AP2M1: variants seen among roughly 807,000 people sequenced by gnomAD.
The protein encoded by AP2M1 is adaptor related protein complex 2 subunit mu 1.
Under a neutral mutation model 54.5 loss-of-function variants are expected in AP2M1, and 5 were observed. The ratio of observed to expected loss-of-function variants is 0.09; its 90% CI spans 0.05 to 0.19. AP2M1 has a LOEUF of 0.19. Ranked by LOEUF, AP2M1 falls within the 10% of genes least tolerant of loss-of-function variation. The pLI, the probability that AP2M1 is intolerant of heterozygous loss-of-function variation, is 1.00. For synonymous variants in AP2M1, 186 were observed against 208.2 expected, an observed-to-expected ratio of 0.89 and a Z score of 0.92; for missense variants, 178 against 580.2, an observed-to-expected ratio of 0.31 and a Z score of 7.12.
rs201806475 is a variant in AP2M1, at chr3:184,180,213, C to T, written c.385C>T (p.Leu129=). 3.3e-5 allele frequency: 53 copies of T among 1,614,088 alleles called. No individual in the cohort carries two copies. Among genetic ancestry groups the T allele is most frequent in the Non-Finnish European group, 4.4e-5 (52 of 1,180,046 alleles). ...GYPQNSETGA[L]KTFITQQGIK... is the part of the protein sequence containing the mutation. ...CCCACAGAATTCCGAGACAGGCGCG[C>T]TGAAAACCTTCATCACGCAGCAGGG... Residue 129 remains leucine, a synonymous_variant, in exon 4 of 12, where the codon CTG becomes TTG. Transcript: ENST00000292807. This position sits in a 1 kb window ranked among gnomAD's most constrained non-coding sequence, Gnocchi z 4.9.
At chr3:184,175,059 C>T in intron 1 of AP2M1, 100 bp downstream of exon 1, 1 of 397,488 alleles carries the variant, frequency 2.5e-6, no homozygotes, top group Non-Finnish European at 4.4e-6. Context: ...TGGCGGAAAG[C>T]TGCCCACACC....
Position 184,182,933 on chromosome 3 carries a change from C to T in AP2M1, c.1173+65C>T, listed in dbSNP as rs867598792. The T allele has an allele frequency of 1.3e-5, 18 of 1,376,320 alleles. No homozygotes were observed. Among genetic ancestry groups the T allele is most frequent in the South Asian group, 3.6e-5 (3 of 83,682 alleles). 85.3% of individuals were successfully genotyped at this position (1,376,320 alleles called of 1,614,324 possible). A position where few individuals can be genotyped will look rare whatever the true frequency, so the allele number is the denominator to read the frequency against. ...CTGGAAGACCTCTTAGAGATCATTCCGATAAACTGCTGCACCTTAGAGGTG... is the reference window on the plus strand; with the variant it reads ...CTGGAAGACCTCTTAGAGATCATTCTGATAAACTGCTGCACCTTAGAGGTG... On this transcript the variant is annotated intron_variant, in intron 11 of 11. Coordinates refer to ENST00000292807, the MANE Select transcript of AP2M1 (RefSeq NM_004068.4). This position sits in a 1 kb window ranked among gnomAD's most constrained non-coding sequence, Gnocchi z 5.5.
In AP2M1 at chr3:184,181,692, G is replaced by T. The variant is rs1300738434; in HGVS notation, c.708-4G>T. The T allele has an allele frequency of 5.0e-6, 8 of 1,613,634 alleles. No individual in the cohort carries two copies. The highest frequency in any genetic ancestry group is 1.3e-5 in the African/African-American group (1 of 74,930). On this transcript the variant is annotated splice_polypyrimidine_tract_variant and splice_region_variant and intron_variant, in intron 7 of 11. Transcript: ENST00000292807. This position sits in a 1 kb window ranked among gnomAD's most constrained non-coding sequence, Gnocchi z 5.7. Reference sequence around the variant, plus strand: ...AATGAGACCTCTTCTGCCCCTGCTTGCAGCGGGAAGCAATCAATTGCCATT... The same window carrying T: ...AATGAGACCTCTTCTGCCCCTGCTTTCAGCGGGAAGCAATCAATTGCCATT...
At chr3:184,177,480 C>T in intron 2 of AP2M1, 1 of 1,463,578 alleles carries the variant, frequency 6.8e-7, no homozygotes, top group Admixed American at 2.0e-5. Context: ...TATCAAACGC[C>T]TTCACTGGAT....
rs1715329372 is a variant in AP2M1, at chr3:184,183,131, C to A, written c.1173+263C>A. The A allele has an allele frequency of 1.8e-6, 1 of 564,388 alleles. No individual in the cohort carries two copies. The allele number at this position is 564,388 out of a possible 1,614,324, so 35.0% of individuals were successfully genotyped here. Reference sequence around the variant, plus strand: ...TAGATTGTTTAAATGCCAGGTAAGACACAAAGTTTACTTACAGACAGGATA... The same window carrying A: ...TAGATTGTTTAAATGCCAGGTAAGAAACAAAGTTTACTTACAGACAGGATA... On this transcript the variant is annotated intron_variant, in intron 11 of 11. Coordinates refer to ENST00000292807, the MANE Select transcript of AP2M1 (RefSeq NM_004068.4). The surrounding 1 kb of genome is among the most constrained non-coding windows in gnomAD (Gnocchi z 5.7).
In AP2M1 at chr3:184,180,059, G is replaced by A; in HGVS notation, c.341-110G>A. 3 of 928,090 alleles carry A rather than the reference G, an allele frequency of 3.2e-6. No homozygotes were observed. Among genetic ancestry groups the A allele is most frequent in the Non-Finnish European group, 5.1e-6 (3 of 591,400 alleles). 57.5% of individuals were successfully genotyped at this position (928,090 alleles called of 1,614,324 possible). A position where few individuals can be genotyped will look rare whatever the true frequency, so the allele number is the denominator to read the frequency against. ...TACAAAGCTAGAAGACTTTCTTGCG[G>A]ATGATCCCACATGGGCTTTGGGAGC... On this transcript the variant is annotated intron_variant, in intron 3 of 11. Coordinates refer to ENST00000292807, the MANE Select transcript of AP2M1 (RefSeq NM_004068.4). This position sits in a 1 kb window ranked among gnomAD's most constrained non-coding sequence, Gnocchi z 4.9.
chr3:184,178,142 C>A lies in AP2M1; in HGVS notation c.75-715C>A. 1 of 1,477,950 alleles carries A rather than the reference C, an allele frequency of 6.8e-7. No individual in the cohort carries two copies. Among genetic ancestry groups the A allele is most frequent in the Non-Finnish European group, 9.1e-7 (1 of 1,094,042 alleles). The allele number at this position is 1,477,950 out of a possible 1,614,324, so 91.6% of individuals were successfully genotyped here. Reference sequence around the variant, plus strand: ...CCCTCCCGGTGTGTTGTGTGTCTAACCCTCTCTCTCGTTGCTATCACTCTC... The same window carrying A: ...CCCTCCCGGTGTGTTGTGTGTCTAAACCTCTCTCTCGTTGCTATCACTCTC... On this transcript the variant is annotated intron_variant, in intron 2 of 11. Coordinates refer to ENST00000292807, the MANE Select transcript of AP2M1 (RefSeq NM_004068.4). This position sits in a 1 kb window ranked among gnomAD's most constrained non-coding sequence, Gnocchi z 4.9.
At chr3:184,177,804 C>G in intron 2 of AP2M1, 2 of 606,524 alleles carry the variant, frequency 3.3e-6, no homozygotes, top group Non-Finnish European at 5.8e-6. Context: ...AAAGAGTAGG[C>G]TCCTCTGGTT....
chr3:184,175,372 C>G (rs1715034153), intron 1 of AP2M1, among the ~76,000 whole-genome samples: 4 of 152,162 alleles, frequency 2.6e-5, no homozygotes, highest in African/African-American at 9.7e-5. Flanking sequence ...GGCACCCCCT[C>G]CTCTTAGTTC....
rs766742290 is a variant in AP2M1 at position 184,178,850 on chromosome 3, C to A, written c.75-7C>A. The A allele has an allele frequency of 1.2e-6, 2 of 1,613,252 alleles. No homozygotes were observed. Among genetic ancestry groups the A allele is most frequent in the Non-Finnish European group, 8.5e-7 (1 of 1,179,628 alleles). ...CTGAGCAGGCCCTATGCACTCTTTTCCCTCAGGAGGAACGCAGTGGATGCC... is the reference window on the plus strand; with the variant it reads ...CTGAGCAGGCCCTATGCACTCTTTTACCTCAGGAGGAACGCAGTGGATGCC... On this transcript the variant is annotated splice_polypyrimidine_tract_variant and splice_region_variant and intron_variant, in intron 2 of 11. Transcript: ENST00000292807. This position sits in a 1 kb window ranked among gnomAD's most constrained non-coding sequence, Gnocchi z 4.9.
Position 184,178,760 on chromosome 3 carries a change from C to A in AP2M1, c.75-97C>A. The A allele has an allele frequency of 2.1e-6, 3 of 1,458,316 alleles. No homozygotes were observed. Among genetic ancestry groups the A allele is most frequent in the Non-Finnish European group, 2.8e-6 (3 of 1,071,552 alleles). 90.3% of individuals were successfully genotyped at this position (1,458,316 alleles called of 1,614,324 possible). On this transcript the variant is annotated intron_variant, in intron 2 of 11. Coordinates refer to ENST00000292807, the MANE Select transcript of AP2M1 (RefSeq NM_004068.4). This position sits in a 1 kb window ranked among gnomAD's most constrained non-coding sequence, Gnocchi z 4.9. Reference sequence around the variant, plus strand: ...TTGGAGTGTGTGTGTCAGACTTCTGCAGAAAGGAGGGTGGGGCTGTTAGCA... The same window carrying A: ...TTGGAGTGTGTGTGTCAGACTTCTGAAGAAAGGAGGGTGGGGCTGTTAGCA...
At chr3:184,179,365 C>G in intron 3 of AP2M1, 2 of 531,970 alleles carry the variant, frequency 3.8e-6, no homozygotes, top group Non-Finnish European at 6.7e-6. Flanking sequence ...GGGCTAGGAA[C>G]CTGACTCAGG....
At position 184,181,907 on chromosome 3, in the gene AP2M1, T is replaced by C; in HGVS notation, c.828-5T>C. On this transcript the variant is annotated splice_polypyrimidine_tract_variant and splice_region_variant and intron_variant, in intron 8 of 11. Transcript: ENST00000292807. The surrounding 1 kb of genome is among the most constrained non-coding windows in gnomAD (Gnocchi z 5.7). ...CTTTGGTAACCTTGCTTCCCATCCCTTAAGGTATCGCACAACCAAGGACAT... is the reference window on the plus strand; with the variant it reads ...CTTTGGTAACCTTGCTTCCCATCCCCTAAGGTATCGCACAACCAAGGACAT... 6.2e-7 allele frequency: 1 copy of C among 1,614,020 alleles called. No individual in the cohort carries two copies. Among genetic ancestry groups the C allele is most frequent in the Non-Finnish European group, 8.5e-7 (1 of 1,179,930 alleles).
rs1715341771 is a variant in AP2M1, at chr3:184,183,469, T to C, written c.1174-13T>C. On this transcript the variant is annotated splice_polypyrimidine_tract_variant and intron_variant, in intron 11 of 11. Transcript: ENST00000292807. The surrounding 1 kb of genome is among the most constrained non-coding windows in gnomAD (Gnocchi z 5.7). ...GAGGAAGGCCACATTTCTAACTAGC[T>C]CTCCTTGCCCAGGTGCCATTCGCGC... The C allele has an allele frequency of 1.2e-6, 2 of 1,613,772 alleles. No homozygotes were observed. The highest frequency in any genetic ancestry group is 2.7e-5 in the African/African-American group (2 of 74,888).
Position 184,180,650 on chromosome 3 carries a change from G to C in AP2M1, c.429G>C (p.Gln143His). ...ITQQGIKSQHQTKEEQSQITS... is the reference protein window; with the variant it reads ...ITQQGIKSQHHTKEEQSQITS... ...GTTGGCCCTGCGGCCTCCAGCATCA[G>C]GTAAGCTCTTCCCTCAGCTTCCACC... The change falls in exon 5 of 12, where the codon CAG becomes CAC. Residue 143 changes from glutamine to histidine, a missense_variant and splice_region_variant. Gln to His is a conservative substitution (Grantham distance 24). This residue lies in a region of AP2M1 where 115 missense variants were observed against 331.2 expected (regional missense o/e 0.35). Coordinates refer to ENST00000292807, the MANE Select transcript of AP2M1 (RefSeq NM_004068.4). The surrounding 1 kb of genome is among the most constrained non-coding windows in gnomAD (Gnocchi z 4.9). 1 of 1,614,192 alleles carries C rather than the reference G, an allele frequency of 6.2e-7. No individual in the cohort carries two copies. The highest frequency in any genetic ancestry group is 8.5e-7 in the Non-Finnish European group (1 of 1,180,050).
rs767316644 is a variant in AP2M1 at position 184,180,758 on chromosome 3, A to G, written c.430-91A>G. ...GGATTACAGGTGGGGACTAGAAGGG[A>G]TGGGGAATGAGGGTGGAGTGGGGAT... On this transcript the variant is annotated intron_variant, in intron 5 of 11. Coordinates refer to ENST00000292807, the MANE Select transcript of AP2M1 (RefSeq NM_004068.4). This position sits in a 1 kb window ranked among gnomAD's most constrained non-coding sequence, Gnocchi z 4.9. 6.2e-7 allele frequency: 1 copy of G among 1,613,846 alleles called. No homozygotes were observed. Among genetic ancestry groups the G allele is most frequent in the East Asian group, 2.2e-5 (1 of 44,884 alleles).
Position 184,178,370 on chromosome 3 carries a change from A to C in AP2M1, c.75-487A>C. On this transcript the variant is annotated intron_variant, in intron 2 of 11. Transcript: ENST00000292807. This position sits in a 1 kb window ranked among gnomAD's most constrained non-coding sequence, Gnocchi z 4.9. ...TAGCACAATTCCATGGCCCCTTGGT[A>C]CTTCTCCCTCCTTTGTGACTTCTGA... is the stretch of plus-strand genomic sequence containing the variant. The C allele has an allele frequency of 6.3e-6, 7 of 1,110,670 alleles. No homozygotes were observed. In the South Asian group the frequency reaches 8.0e-5, roughly 13 times the overall value. The allele number at this position is 1,110,670 out of a possible 1,614,324, so 68.8% of individuals were successfully genotyped here.
rs768273737 is a variant in AP2M1 at position 184,178,694 on chromosome 3, T to C, written c.75-163T>C. 2.0e-5 allele frequency among the ~76,000 whole-genome samples: 3 copies of C among 152,198 alleles called. No homozygotes were observed. Among genetic ancestry groups the C allele is most frequent in the Non-Finnish European group, 4.4e-5 (3 of 68,040 alleles). ...CTTCCCATGCCTCCACAGGGAGTCA[T>C]AAGAAGGGAACCACTCCAGTGGTTT... On this transcript the variant is annotated intron_variant, in intron 2 of 11. Coordinates refer to ENST00000292807, the MANE Select transcript of AP2M1 (RefSeq NM_004068.4). This position sits in a 1 kb window ranked among gnomAD's most constrained non-coding sequence, Gnocchi z 4.9.
At chr3:184,177,714 GC>G (rs1169923649) in intron 2 of AP2M1, 10 of 1,138,748 alleles carry the variant, frequency 8.8e-6, no homozygotes, top group Non-Finnish European at 1.3e-5. Flanking sequence ...CAGAGCCACA[GC>G]CTGCCTTCTC....
Sources: allele counts gnomAD v4.1 joint callset (sites outside exome capture counted in the v4.1 genomes callset), GRCh38; gene constraint gnomAD v4.1.1; regional missense constraint gnomAD v4.1.1; non-coding constraint Gnocchi (gnomAD v3.1); transcripts MANE v1.5; gene names NCBI Gene and HGNC (gene_info 2026-07-23, HGNC 2026-07-21).